The following AJAP1 variants were observed in gnomAD, a reference collection of about 807,000 sequenced individuals.
The protein encoded by AJAP1 is adherens junction-associated protein 1.
Under a neutral mutation model 35.0 loss-of-function variants are expected in AJAP1, and 5 were observed. The observed-to-expected ratio is 0.14, with a 90% CI of 0.07 to 0.30. The LOEUF (loss-of-function observed/expected upper bound fraction) is 0.30. Among genes scored for constraint, AJAP1 ranks in the 10% least tolerant of loss-of-function variants. The probability of loss-of-function intolerance (pLI) is 1.00; values close to 1 mark genes in which losing one functional copy is unlikely to be tolerated. For synonymous variants in AJAP1, 284 were observed against 249.3 expected (o/e 1.14, Z -1.31); for missense variants, 586 against 571.0 (o/e 1.03, Z -0.27).
At chr1:4,729,866 G>A (rs1640758756) in intron 2 of AJAP1, among the ~76,000 whole-genome samples, 2 of 152,204 alleles carry the variant, frequency 1.3e-5, no homozygotes, top group African/African-American at 4.8e-5. Flanking sequence ...GAGCTCCTTA[G>A]TCACATCTGC....
intron 2 of AJAP1, among the ~76,000 whole-genome samples, chr1:4,718,459 G>A (rs1446435868): frequency 6.6e-6 from 1 of 151,276 alleles, no homozygotes; most frequent in Non-Finnish European, 1.5e-5. Flanking sequence ...TAAGAACTGA[G>A]ATGTCCAGCC....
chr1:4,710,222 G>C (rs1417131264), intron 1 of AJAP1, among the ~76,000 whole-genome samples: 1 of 151,848 alleles, frequency 6.6e-6, no homozygotes, highest in African/African-American at 2.4e-5. Flanking sequence ...ACACACACGA[G>C]CATAGATGCA....
At chr1:4,666,649 G>C (rs1364002564) in intron 1 of AJAP1, among the ~76,000 whole-genome samples, 1 of 140,212 alleles carries the variant, frequency 7.1e-6, no homozygotes, top group Non-Finnish European at 1.5e-5. Flanking sequence ...GGGGTGCGGA[G>C]AGCGGGCCTG....
chr1:4,682,801 G>C (rs1156812683), intron 1 of AJAP1, among the ~76,000 whole-genome samples: 1 of 152,112 alleles, frequency 6.6e-6, no homozygotes, highest in African/African-American at 2.4e-5. Context: ...TGGTAATGAT[G>C]ATAATGATGA....
intron 1 of AJAP1, among the ~76,000 whole-genome samples, chr1:4,688,782 A>G (rs967684159): frequency 6.6e-6 from 1 of 151,792 alleles, no homozygotes; most frequent in Non-Finnish European, 1.5e-5. Context: ...AAAAAAAAAA[A>G]AAAAAAAAAA....
intron 2 of AJAP1, among the ~76,000 whole-genome samples, chr1:4,738,256 C>T (rs559380201): frequency 6.6e-6 from 1 of 152,360 alleles, no homozygotes; most frequent in African/African-American, 2.4e-5. Context: ...ATGGGGCTAG[C>T]AGGCCCACAA....
At chr1:4,740,530 C>A (rs1004108103) in intron 2 of AJAP1, among the ~76,000 whole-genome samples, 7 of 151,978 alleles carry the variant, frequency 4.6e-5, no homozygotes, top group East Asian at 1.9e-4. Flanking sequence ...TCACGCCTGT[C>A]ATCCCAGCAC....
intron 1 of AJAP1, among the ~76,000 whole-genome samples, chr1:4,660,560 A>G (rs1266848672): frequency 6.6e-6 from 1 of 152,084 alleles, no homozygotes; most frequent in African/African-American, 2.4e-5. Context: ...TAATTAAAAG[A>G]AACAAACTAA....
At position 4,739,267 on chromosome 1, in the gene AJAP1, G is replaced by A. The variant is rs140746052; in HGVS notation, c.829+26568G>A. ...TTTGCTCACAATGCTGCAAACCTGC[G>A]TAATAATTCCCACTTTGCCCAGTGC... On this transcript the variant is annotated intron_variant, in intron 2 of 5. Coordinates refer to ENST00000378191, the MANE Select transcript of AJAP1 (RefSeq NM_018836.4). 1.3e-3 allele frequency among the ~76,000 whole-genome samples: 205 copies of A among 152,324 alleles called. 2 individuals carry two copies. The highest frequency in any genetic ancestry group is 4.4e-3 in the African/African-American group (184 of 41,556).
At chr1:4,774,661 G>A in intron 5 of AJAP1, 103 bp downstream of exon 5, 1 of 657,024 alleles carries the variant, frequency 1.5e-6, no homozygotes, top group Non-Finnish European at 2.6e-6. Context: ...TTTTAGACAT[G>A]GCGGGTGGAT....
intron 2 of AJAP1, among the ~76,000 whole-genome samples, chr1:4,739,574 C>T (rs1244619546): frequency 1.3e-5 from 2 of 152,204 alleles, no homozygotes; most frequent in African/African-American, 4.8e-5. Context: ...TTCATCTTTT[C>T]TTAGTCATCT....
intron 2 of AJAP1, among the ~76,000 whole-genome samples, chr1:4,749,745 G>C (rs907652996): frequency 6.6e-6 from 1 of 152,254 alleles, no homozygotes; most frequent in African/African-American, 2.4e-5. Flanking sequence ...TTCATGAAGG[G>C]TGTGTGGGTG....
intron 2 of AJAP1, among the ~76,000 whole-genome samples, chr1:4,769,248 A>G (rs1221775505): frequency 2.0e-5 from 3 of 152,080 alleles, no homozygotes; most frequent in Non-Finnish European, 4.4e-5. Context: ...GAAGCAGTGA[A>G]CTTCTTAGCG....
intron 1 of AJAP1, among the ~76,000 whole-genome samples, chr1:4,710,041 C>T (rs1489756644): frequency 1.3e-5 from 2 of 152,144 alleles, no homozygotes; most frequent in East Asian, 3.9e-4. Flanking sequence ...CTCTCCTACA[C>T]AGACACACAC....
rs541032022 is a variant in AJAP1, at chr1:4,787,396, G to A, written c.*4911G>A. ...AGAAAGAGAGGCAGGGGTTGTCTACGTCTCCTCCTCCTGCGACCCATCACC... is the reference window on the plus strand; with the variant it reads ...AGAAAGAGAGGCAGGGGTTGTCTACATCTCCTCCTCCTGCGACCCATCACC... On this transcript the variant is annotated 3_prime_UTR_variant, in exon 6 of 6. Coordinates refer to ENST00000378191, the MANE Select transcript of AJAP1 (RefSeq NM_018836.4). 1.8e-5 allele frequency: 5 copies of A among 273,372 alleles called. No homozygotes were observed. Among genetic ancestry groups the A allele is most frequent in the Admixed American group, 1.1e-4 (2 of 19,028 alleles). The allele number at this position is 273,372 out of a possible 1,614,324, so 16.9% of individuals were successfully genotyped here.
rs1013658409 is a variant in AJAP1 at position 4,734,955 on chromosome 1, C to T, written c.829+22256C>T. The stretch of plus-strand genomic sequence containing the variant: ...GTTTCTCGACTCCTCCGTCCATCGC[C>T]TGCAAGCTGAGCCGCGTGATGGAGC... On this transcript the variant is annotated intron_variant, in intron 2 of 5. Coordinates refer to ENST00000378191, the MANE Select transcript of AJAP1 (RefSeq NM_018836.4). This position sits in a 1 kb window ranked among gnomAD's most constrained non-coding sequence, Gnocchi z 4.3. Among the ~76,000 whole-genome samples the T allele has an allele frequency of 1.1e-4, 17 of 152,360 alleles. No homozygotes were observed. Among genetic ancestry groups the T allele is most frequent in the Admixed American group, 3.9e-4 (6 of 15,306 alleles).
At chr1:4,711,666 G>A (rs561040739) in intron 1 of AJAP1, among the ~76,000 whole-genome samples, 1 of 152,296 alleles carries the variant, frequency 6.6e-6, no homozygotes, top group South Asian at 2.1e-4. Flanking sequence ...TCAGCCCCGC[G>A]GTGCCGGGAA....
chr1:4,764,754 C>T (rs1008248087), intron 2 of AJAP1, among the ~76,000 whole-genome samples: 2 of 152,130 alleles, frequency 1.3e-5, no homozygotes, highest in Admixed American at 1.3e-4. Context: ...TTGGCCAATT[C>T]CAGGACCATC....
chr1:4,730,928 C>A (rs242051), intron 2 of AJAP1, among the ~76,000 whole-genome samples: 4 of 152,220 alleles, frequency 2.6e-5, no homozygotes, highest in Admixed American at 2.0e-4. Context: ...AAGTATGTCC[C>A]TGACCCTTTT....
Sources: gnomAD v4.1 joint callset for allele counts (sites outside exome capture counted in the v4.1 genomes callset) on GRCh38, gnomAD v4.1.1 for gene constraint, Gnocchi (gnomAD v3.1) non-coding constraint, MANE v1.5 for transcripts, NCBI Gene and HGNC (gene_info 2026-07-23, HGNC 2026-07-21) for gene names.